Variants in ROBO2 observed in about 807,000 individuals in gnomAD.
The protein encoded by ROBO2 is roundabout homolog 2.
Under a neutral mutation model 160.8 loss-of-function variants are expected in ROBO2, and 53 were observed. The observed-to-expected ratio is 0.33, with a 90% CI of 0.26 to 0.41. The LOEUF is 0.41. Ranked by LOEUF, ROBO2 falls within the 10% of genes least tolerant of loss-of-function variation. ROBO2 has a pLI of 1.00. For missense variants in ROBO2, 1,577 were observed against 1,722.4 expected (o/e 0.92, Z 1.49); for synonymous variants, 664 against 611.7 (o/e 1.09, Z -1.26).
rs1441012889 is a variant in ROBO2, at chr3:76,341,436, A to AG, written c.109+403834_109+403835insG. Among the ~76,000 whole-genome samples the AG allele has an allele frequency of 6.1e-4, 92 of 150,864 alleles. 1 individual carries two copies. The East Asian group carries it at 0.016, about 25-fold the overall frequency. ...TTAAAGCGTAAAAAAAAAAAAAAAAAAAAAAGGAAAAATATGTGTTTGAAG... is the reference window on the plus strand; with the variant it reads ...TTAAAGCGTAAAAAAAAAAAAAAAAAGAAAAAGGAAAAATATGTGTTTGAAG... On this transcript the variant is annotated intron_variant, in intron 2 of 26. Coordinates refer to the ROBO2 transcript ENST00000487694.
At chr3:77,178,939 T>C (rs184333476) in intron 2 of ROBO2, among the ~76,000 whole-genome samples, 1 of 152,200 alleles carries the variant, frequency 6.6e-6, no homozygotes, top group Non-Finnish European at 1.5e-5. Context: ...AATACTGATA[T>C]GATTGCAGAT....
chr3:76,963,946 T>A (rs1038284835), intron 2 of ROBO2, among the ~76,000 whole-genome samples: 1 of 152,076 alleles, frequency 6.6e-6, no homozygotes. Context: ...TCCCAGTTAT[T>A]TTTTTCTGTT....
chr3:76,218,109 A>G (rs1161450337), intron 2 of ROBO2, among the ~76,000 whole-genome samples: 1 of 152,230 alleles, frequency 6.6e-6, no homozygotes, highest in Admixed American at 6.5e-5. Context: ...ACGAAATTCA[A>G]CAGCCCTTCA....
intron 2 of ROBO2, among the ~76,000 whole-genome samples, chr3:77,009,109 T>C (rs1408361479): frequency 1.3e-5 from 2 of 152,222 alleles, no homozygotes; most frequent in African/African-American, 4.8e-5. Flanking sequence ...AAAAGTAAGA[T>C]TAAATGAGAT....
At chr3:76,486,582 C>CTCT (rs1382900936) in intron 2 of ROBO2, among the ~76,000 whole-genome samples, 5 of 152,032 alleles carry the variant, frequency 3.3e-5, no homozygotes, top group African/African-American at 7.2e-5. Flanking sequence ...ATAATGAAAA[C>CTCT]TCATATATCT....
chr3:76,226,744 A>G (rs1704312449), intron 2 of ROBO2, among the ~76,000 whole-genome samples: 1 of 152,168 alleles, frequency 6.6e-6, no homozygotes, highest in Non-Finnish European at 1.5e-5. Flanking sequence ...TTGGCAGTGA[A>G]CAAACCACTT....
Position 76,159,005 on chromosome 3 carries a change from T to C in ROBO2, c.109+221403T>C, listed in dbSNP as rs140267378. Among the ~76,000 whole-genome samples the C allele has an allele frequency of 1.9e-3, 290 of 152,318 alleles. 2 individuals are homozygous for C. Among genetic ancestry groups the C allele is most frequent in the African/African-American group, 5.6e-3 (234 of 41,574 alleles). ...AATTAAAAGAATTATAAGTGCAGAA[T>C]GCTTATGGGTATTTAAACCATTGCT... On this transcript the variant is annotated intron_variant, in intron 2 of 26. Coordinates refer to the ROBO2 transcript ENST00000487694.
At chr3:77,329,140 T>C (rs2065737546) in intron 2 of ROBO2, among the ~76,000 whole-genome samples, 1 of 152,192 alleles carries the variant, frequency 6.6e-6, no homozygotes, top group African/African-American at 2.4e-5. Context: ...CCAGTGTTGA[T>C]ATCGATGTAG....
At chr3:76,890,177 A>G (rs188066877) in intron 2 of ROBO2, among the ~76,000 whole-genome samples, 2 of 152,126 alleles carry the variant, frequency 1.3e-5, no homozygotes, top group African/African-American at 2.4e-5. Context: ...TGGGTTATTG[A>G]GCTATTACCA....
chr3:76,601,990 T>A (rs1167136745), intron 2 of ROBO2, among the ~76,000 whole-genome samples: 1 of 152,136 alleles, frequency 6.6e-6, no homozygotes, highest in Non-Finnish European at 1.5e-5. Flanking sequence ...ACCTAACTCA[T>A]CTCTCTCAAG....
At chr3:76,040,310 A>G (rs574449098) in intron 2 of ROBO2, among the ~76,000 whole-genome samples, 1 of 152,014 alleles carries the variant, frequency 6.6e-6, no homozygotes, top group Non-Finnish European at 1.5e-5. Context: ...TGCATATCTA[A>G]GTAACTTTTA....
At chr3:76,330,050 T>C (rs1470197500) in intron 2 of ROBO2, among the ~76,000 whole-genome samples, 1 of 152,216 alleles carries the variant, frequency 6.6e-6, no homozygotes. Flanking sequence ...ACTGTATCTA[T>C]GTGGGTTTTC....
intron 2 of ROBO2, among the ~76,000 whole-genome samples, chr3:76,174,020 C>T (rs952490278): frequency 6.6e-6 from 1 of 152,154 alleles, no homozygotes; most frequent in Non-Finnish European, 1.5e-5. Context: ...TCCTCTCCAG[C>T]ATCTGTTGTT....
intron 2 of ROBO2, among the ~76,000 whole-genome samples, chr3:76,571,994 T>C (rs1241439858): frequency 1.3e-5 from 2 of 152,082 alleles, no homozygotes; most frequent in Non-Finnish European, 2.9e-5. Context: ...AGTCTAGATA[T>C]GCAACTATAT....
In ROBO2 at chr3:77,068,562, C is replaced by T. The variant is rs571555836; in HGVS notation, c.61+27716C>T. Among the ~76,000 whole-genome samples the T allele has an allele frequency of 6.6e-5, 10 of 152,062 alleles. No homozygotes were observed. In the South Asian group the frequency reaches 1.7e-3, roughly 25 times the overall value. ...CTCTCACTAACTTGCCTGTTAGTCACGTAACAGGCAAGTTCAAAATTCACC... is the reference window on the plus strand; with the variant it reads ...CTCTCACTAACTTGCCTGTTAGTCATGTAACAGGCAAGTTCAAAATTCACC... On this transcript the variant is annotated intron_variant, in intron 1 of 25. Transcript: ENST00000461745.
At chr3:77,289,349 G>T (rs1443801161) in intron 2 of ROBO2, among the ~76,000 whole-genome samples, 1 of 152,156 alleles carries the variant, frequency 6.6e-6, no homozygotes, top group Middle Eastern at 3.4e-3. Context: ...AAAATTGACG[G>T]TTAAACGGGT....
chr3:77,421,012 A>G (rs185929648), intron 2 of ROBO2, among the ~76,000 whole-genome samples: 1 of 152,226 alleles, frequency 6.6e-6, no homozygotes, highest in African/African-American at 2.4e-5. Flanking sequence ...TTCCCTGAAA[A>G]TTGTCTACAA....
At chr3:76,557,335 A>T (rs1379887256) in intron 2 of ROBO2, among the ~76,000 whole-genome samples, 2 of 152,044 alleles carry the variant, frequency 1.3e-5, no homozygotes, top group Non-Finnish European at 2.9e-5. Context: ...TGCATCTAAA[A>T]ATTGAAATCT....
At chr3:76,982,322 T>G in intron 2 of ROBO2, among the ~76,000 whole-genome samples, 1 of 152,236 alleles carries the variant, frequency 6.6e-6, no homozygotes, top group East Asian at 1.9e-4. Flanking sequence ...ATGATTTTTT[T>G]GAAAAGACAA....
Sources: gnomAD v4.1 joint callset for allele counts (sites outside exome capture counted in the v4.1 genomes callset) on GRCh38, gnomAD v4.1.1 for gene constraint, MANE v1.5 for transcripts, NCBI Gene and HGNC (gene_info 2026-07-23, HGNC 2026-07-21) for gene names.